PLA2G4A: variants seen among roughly 807,000 people sequenced by gnomAD.
The protein encoded by PLA2G4A is cytosolic phospholipase A2.
PLA2G4A carries 40 observed loss-of-function variants against 81.9 expected under a neutral mutation model. The observed-to-expected ratio is 0.49, with a 90% CI of 0.38 to 0.64. PLA2G4A has a LOEUF of 0.64. Ranked by LOEUF, PLA2G4A falls within the 30% of genes least tolerant of loss-of-function variation. PLA2G4A has a pLI of 0.00. For synonymous variants in PLA2G4A, 302 were observed against 296.9 expected (o/e 1.02, Z -0.18); for missense variants, 715 against 905.1 (o/e 0.79, Z 2.69).
At chr1:186,886,220 G>T (rs1480184449) in intron 3 of PLA2G4A, among the ~76,000 whole-genome samples, 1 of 152,148 alleles carries the variant, frequency 6.6e-6, no homozygotes, top group African/African-American at 2.4e-5. Context: ...TGGTATAGAT[G>T]CAAGCTTAAA....
At chr1:186,864,412 C>A (rs1652935181) in intron 2 of PLA2G4A, among the ~76,000 whole-genome samples, 1 of 152,000 alleles carries the variant, frequency 6.6e-6, no homozygotes, top group South Asian at 2.1e-4. Context: ...ATTTAGTTTT[C>A]CACCAACAGT....
At chr1:186,986,866 G>A (rs1657906840) in intron 17 of PLA2G4A, among the ~76,000 whole-genome samples, 1 of 152,278 alleles carries the variant, frequency 6.6e-6, no homozygotes, top group African/African-American at 2.4e-5. Context: ...CTCCTTCATA[G>A]ATCTGAAGCA....
chr1:186,875,841 C>T (rs1167591385), intron 3 of PLA2G4A, among the ~76,000 whole-genome samples: 1 of 152,084 alleles, frequency 6.6e-6, no homozygotes, highest in Non-Finnish European at 1.5e-5. Context: ...TAATATGTTT[C>T]CACTGTATGA....
intron 7 of PLA2G4A, among the ~76,000 whole-genome samples, chr1:186,932,262 T>A (rs925896263): frequency 3.3e-5 from 5 of 151,672 alleles, no homozygotes; most frequent in Non-Finnish European, 5.9e-5. Flanking sequence ...TTGCTTTTTT[T>A]ATTTTCTTAT....
chr1:186,868,521 G>C (rs1468145993), intron 2 of PLA2G4A, among the ~76,000 whole-genome samples: 3 of 152,090 alleles, frequency 2.0e-5, no homozygotes, highest in African/African-American at 7.2e-5. Flanking sequence ...TTAGGGTAAT[G>C]GTGGCCTCCA....
At chr1:186,927,743 G>A (rs1430850839) in intron 7 of PLA2G4A, among the ~76,000 whole-genome samples, 1 of 152,198 alleles carries the variant, frequency 6.6e-6, no homozygotes, top group Non-Finnish European at 1.5e-5. Context: ...TATAAGTTAA[G>A]TGAAAGTCTA....
In PLA2G4A at chr1:186,835,475, T is replaced by C. The variant is rs74137519; in HGVS notation, c.-70+6440T>C. Among the ~76,000 whole-genome samples, 1,415 of 152,290 alleles carry C rather than the reference T, an allele frequency of 9.3e-3. 25 individuals are homozygous for C. The highest frequency in any genetic ancestry group is 0.033 in the African/African-American group (1,354 of 41,568). On this transcript the variant is annotated intron_variant, in intron 1 of 17. Transcript: ENST00000367466. ...ATTGAAAAGCAATCAGGGAAAAGTG[T>C]CTAAAGATGCACACAGTTATGGGAT... is the stretch of plus-strand genomic sequence containing the variant.
chr1:186,845,861 G>C (rs954067997), intron 1 of PLA2G4A, among the ~76,000 whole-genome samples: 34 of 152,052 alleles, frequency 2.2e-4, no homozygotes, highest in African/African-American at 8.2e-4. Context: ...CTGTTGAAAA[G>C]TCTATCCAAA....
At chr1:186,905,697 C>G (rs937983520) in intron 5 of PLA2G4A, among the ~76,000 whole-genome samples, 1 of 98,704 alleles carries the variant, frequency 1.0e-5, no homozygotes, top group Admixed American at 9.0e-5. Context: ...ACTCCTCCTC[C>G]TCACACACAC....
Position 186,939,209 on chromosome 1 carries a change from A to C in PLA2G4A, c.897A>C (p.Ile299=). Residue 299 remains isoleucine (I), a synonymous_variant, in exon 9 of 18, where the codon ATA becomes ATC. Coordinates refer to ENST00000367466, the MANE Select transcript of PLA2G4A (RefSeq NM_024420.3). ...TTACTGATATCTTTGGGATGTTAATAGGAGAAACACTAATTCATAATGTAA... is the reference window on the plus strand; with the variant it reads ...TTACTGATATCTTTGGGATGTTAATCGGAGAAACACTAATTCATAATGTAA... ...VTFTDIFGML[I]GETLIHNRMN... 1 of 1,566,682 alleles carries C rather than the reference A, an allele frequency of 6.4e-7. No individual in the cohort carries two copies. Among genetic ancestry groups the C allele is most frequent in the Non-Finnish European group, 8.8e-7 (1 of 1,136,984 alleles).
intron 14 of PLA2G4A, among the ~76,000 whole-genome samples, chr1:186,963,115 G>C (rs1230384399): frequency 6.6e-6 from 1 of 152,058 alleles, no homozygotes; most frequent in African/African-American, 2.4e-5. Context: ...TGAAATTTCT[G>C]ATACATAATA....
At chr1:186,966,108 G>C (rs541884387) in intron 15 of PLA2G4A, among the ~76,000 whole-genome samples, 33 of 130,100 alleles carry the variant, frequency 2.5e-4, no homozygotes, top group African/African-American at 1.1e-3. Context: ...TTTGAGGGAT[G>C]AGTGGAAGTT....
intron 5 of PLA2G4A, among the ~76,000 whole-genome samples, chr1:186,904,860 T>TATATA (rs111937162): frequency 6.7e-6 from 1 of 149,208 alleles, no homozygotes; most frequent in East Asian, 1.9e-4. Context: ...TATATATATA[T>TATATA]TTTTTTTTTT....
At chr1:186,954,754 G>A (rs1050929743) in intron 13 of PLA2G4A, among the ~76,000 whole-genome samples, 2 of 151,744 alleles carry the variant, frequency 1.3e-5, no homozygotes, top group African/African-American at 2.4e-5. Flanking sequence ...TATATACAGG[G>A]TTCCTAGAAA....
intron 3 of PLA2G4A, among the ~76,000 whole-genome samples, chr1:186,872,618 G>A (rs1205311957): frequency 6.6e-6 from 1 of 151,934 alleles, no homozygotes; most frequent in Non-Finnish European, 1.5e-5. Context: ...TACTCCATGA[G>A]TCTCTTTCAA....
intron 1 of PLA2G4A, among the ~76,000 whole-genome samples, chr1:186,846,487 G>A (rs1652179174): frequency 6.6e-6 from 1 of 151,784 alleles, no homozygotes; most frequent in South Asian, 2.1e-4. Context: ...AATATTACAG[G>A]GCTCTCATGT....
chr1:186,889,147 C>T (rs1654043603), intron 3 of PLA2G4A, among the ~76,000 whole-genome samples: 1 of 152,094 alleles, frequency 6.6e-6, no homozygotes, highest in Non-Finnish European at 1.5e-5. Flanking sequence ...CCCATTTCAC[C>T]TTATCATCCT....
At chr1:186,943,786 G>A (rs547077297) in intron 10 of PLA2G4A, among the ~76,000 whole-genome samples, 2 of 152,240 alleles carry the variant, frequency 1.3e-5, no homozygotes, top group East Asian at 3.9e-4. Flanking sequence ...GTTGTATTTG[G>A]AGGCACCAAT....
At chr1:186,967,884 A>G (rs1657184400) in intron 15 of PLA2G4A, among the ~76,000 whole-genome samples, 7 of 152,078 alleles carry the variant, frequency 4.6e-5, no homozygotes. Flanking sequence ...TGAAATTGGA[A>G]TTTTAGGATG....
Sources: gnomAD v4.1 joint callset for allele counts (sites outside exome capture counted in the v4.1 genomes callset) on GRCh38, gnomAD v4.1.1 for gene constraint, MANE v1.5 for transcripts, NCBI Gene and HGNC (gene_info 2026-07-23, HGNC 2026-07-21) for gene names.